UNC5D: variants seen among roughly 807,000 people sequenced by gnomAD.
UNC5D encodes unc-5 netrin receptor D.
In UNC5D, 39 loss-of-function variants were observed where a neutral mutation model predicts 105.4. The observed-to-expected ratio is 0.37, with a 90% CI of 0.29 to 0.48. The LOEUF is 0.48. UNC5D is among the 20% of genes least tolerant of loss of function. The pLI is 0.98. For missense variants in UNC5D, 991 were observed against 1,202.4 expected, an observed-to-expected ratio of 0.82 and a Z score of 2.60; for synonymous variants, 452 against 450.4, an observed-to-expected ratio of 1.00 and a Z score of -0.04.
At chr8:35,272,009 C>T (rs1186045361) in intron 1 of UNC5D, among the ~76,000 whole-genome samples, 5 of 151,842 alleles carry the variant, frequency 3.3e-5, no homozygotes, top group Admixed American at 6.6e-5. Context: ...GCTGTAGAGC[C>T]TTGGTTAGGT....
At chr8:35,347,783 G>T (rs1811912169) in intron 1 of UNC5D, among the ~76,000 whole-genome samples, 1 of 151,888 alleles carries the variant, frequency 6.6e-6, no homozygotes, top group African/African-American at 2.4e-5. Context: ...ATTTTTGTAT[G>T]AGAATTTTAA....
At chr8:35,427,653 C>G (rs1806341966) in intron 1 of UNC5D, among the ~76,000 whole-genome samples, 1 of 152,200 alleles carries the variant, frequency 6.6e-6, no homozygotes, top group Admixed American at 6.5e-5. Context: ...CAGTTCGGAT[C>G]TTTCCTGTTC....
At chr8:35,686,821 C>A in intron 7 of UNC5D, 112 bp downstream of exon 7, 3 of 1,340,532 alleles carry the variant, frequency 2.2e-6, no homozygotes, top group Non-Finnish European at 3.0e-6. Context: ...GAAAGCCAAG[C>A]TGCTAAGGGC....
chr8:35,254,081 C>T (rs1451587271), intron 1 of UNC5D, among the ~76,000 whole-genome samples: 2 of 152,206 alleles, frequency 1.3e-5, no homozygotes. Context: ...ATACACCTCT[C>T]ACATTCAGCC....
chr8:35,629,266 G>A (rs918043630), intron 4 of UNC5D, among the ~76,000 whole-genome samples: 1 of 152,030 alleles, frequency 6.6e-6, no homozygotes, highest in Non-Finnish European at 1.5e-5. Context: ...ATCTCAGTGT[G>A]GTTTTAATTT....
intron 1 of UNC5D, among the ~76,000 whole-genome samples, chr8:35,452,358 A>G (rs1311869623): frequency 6.6e-6 from 1 of 152,042 alleles, no homozygotes; most frequent in East Asian, 1.9e-4. Context: ...TCCACCTCCC[A>G]GGTTCAAGCC....
rs1563705155 is a variant in UNC5D at position 35,722,341 on chromosome 8, T to C, written c.1249T>C (p.Ser417Pro). 1 of 1,614,148 alleles carries C rather than the reference T, an allele frequency of 6.2e-7. No homozygotes were observed. The highest frequency in any genetic ancestry group is 8.5e-7 in the Non-Finnish European group (1 of 1,180,024). Residue 417 changes from serine (S) to proline (P), a missense_variant, in exon 9 of 17, where the codon TCT becomes CCT. Physicochemically the swap from Ser to Pro is moderately conservative, Grantham distance 74. Coordinates refer to ENST00000404895, the MANE Select transcript of UNC5D (RefSeq NM_080872.4). Reference protein sequence around the residue: ...QSDYGVDVIDSSALTGGFQTF... With the variant: ...QSDYGVDVIDPSALTGGFQTF... ...TGACTATGGCGTGGACGTCATTGACTCTTCTGCATTGACAGGTGGCTTCCA... is the reference window on the plus strand; with the variant it reads ...TGACTATGGCGTGGACGTCATTGACCCTTCTGCATTGACAGGTGGCTTCCA...
intron 1 of UNC5D, among the ~76,000 whole-genome samples, chr8:35,329,671 G>T (rs2128892898): frequency 6.6e-6 from 1 of 152,060 alleles, no homozygotes; most frequent in Middle Eastern, 3.4e-3. Flanking sequence ...AAAAAATTAA[G>T]AAAAAATGAT....
In UNC5D at chr8:35,384,223, A is replaced by C. The variant is rs867805420; in HGVS notation, c.103+148336A>C. On this transcript the variant is annotated intron_variant, in intron 1 of 16. Coordinates refer to ENST00000404895, the MANE Select transcript of UNC5D (RefSeq NM_080872.4). ...GACAGAGCAAGACTCCATTTCAAAA[A>C]AAAAAAACAAAAAAAAACTAACATT... Among the ~76,000 whole-genome samples the C allele has an allele frequency of 2.0e-5, 3 of 151,768 alleles. 1 individual carries two copies. Among genetic ancestry groups the C allele is most frequent in the African/African-American group, 4.9e-5 (2 of 41,234 alleles).
intron 1 of UNC5D, among the ~76,000 whole-genome samples, chr8:35,334,638 G>A (rs1320539050): frequency 6.6e-6 from 1 of 151,672 alleles, no homozygotes; most frequent in African/African-American, 2.4e-5. Context: ...TCATCCTCCC[G>A]AGTAGCTGGG....
At chr8:35,417,284 C>G (rs970332590) in intron 1 of UNC5D, among the ~76,000 whole-genome samples, 5 of 142,496 alleles carry the variant, frequency 3.5e-5, no homozygotes, top group Non-Finnish European at 6.2e-5. Context: ...TACTTTCTAT[C>G]TCCATGAGTT....
rs139358179 is a variant in UNC5D, at chr8:35,365,693, T to G, written c.103+129806T>G. On this transcript the variant is annotated intron_variant, in intron 1 of 16. Transcript: ENST00000404895. ...TAAGCTAAAGATGGCAGGTATAATT[T>G]CTGTAGATACCAGGTACCAGGGGAA... Among the ~76,000 whole-genome samples the G allele has an allele frequency of 1.0e-3, 151 of 151,640 alleles. 2 individuals are homozygous for G. In the East Asian group the frequency reaches 0.028, roughly 28 times the overall value.
At chr8:35,575,629 A>G (rs932728695) in intron 3 of UNC5D, among the ~76,000 whole-genome samples, 1 of 152,202 alleles carries the variant, frequency 6.6e-6, no homozygotes, top group Non-Finnish European at 1.5e-5. Flanking sequence ...ATATATTCCC[A>G]TGGCATGGAA....
chr8:35,318,164 G>A (rs1809445930), intron 1 of UNC5D, among the ~76,000 whole-genome samples: 1 of 151,688 alleles, frequency 6.6e-6, no homozygotes, highest in South Asian at 2.1e-4. Flanking sequence ...TCATTTTCAT[G>A]CGCTGCCTCC....
chr8:35,445,980 A>C (rs1334117247), intron 1 of UNC5D, among the ~76,000 whole-genome samples: 1 of 151,490 alleles, frequency 6.6e-6, no homozygotes, highest in African/African-American at 2.4e-5. Flanking sequence ...TATTGTGAAA[A>C]CCTTTTTAGG....
intron 3 of UNC5D, among the ~76,000 whole-genome samples, chr8:35,593,533 G>A (rs189719780): frequency 1.4e-4 from 22 of 152,224 alleles, no homozygotes; most frequent in Middle Eastern, 3.4e-3. Flanking sequence ...CAGGAGGATC[G>A]GAGGAGGAGT....
intron 8 of UNC5D, among the ~76,000 whole-genome samples, chr8:35,714,880 A>G (rs749952828): frequency 6.6e-6 from 1 of 152,088 alleles, no homozygotes; most frequent in African/African-American, 2.4e-5. Context: ...GGCCAGGCGC[A>G]GTGGCTCACG....
chr8:35,371,203 CAA>C (rs1444335362), intron 1 of UNC5D, among the ~76,000 whole-genome samples: 2 of 145,694 alleles, frequency 1.4e-5, no homozygotes, highest in African/African-American at 5.1e-5. Flanking sequence ...CACACACACA[CAA>C]AGTTTTTCAG....
chr8:35,498,949 C>T (rs1430302724), intron 1 of UNC5D, among the ~76,000 whole-genome samples: 1 of 152,090 alleles, frequency 6.6e-6, no homozygotes, highest in Non-Finnish European at 1.5e-5. Context: ...ACTTTTCTTG[C>T]TTGAAAATGG....
Sources: allele counts gnomAD v4.1 joint callset (sites outside exome capture counted in the v4.1 genomes callset), GRCh38; gene constraint gnomAD v4.1.1; transcripts MANE v1.5; gene names NCBI Gene and HGNC (gene_info 2026-07-23, HGNC 2026-07-21).